OSBPL9: variants seen among roughly 807,000 people sequenced by gnomAD.
OSBPL9 encodes the protein oxysterol-binding protein-related protein 9.
A neutral mutation model predicts 106.6 loss-of-function variants in OSBPL9; 40 were observed. The observed-to-expected ratio is 0.38, with a 90% confidence interval of 0.29 to 0.49. The LOEUF (loss-of-function observed/expected upper bound fraction) is 0.49, where lower values mean the gene tolerates loss of function less well. Ranked by LOEUF, OSBPL9 falls within the 20% of genes least tolerant of loss-of-function variation. The pLI is 0.97. For missense variants in OSBPL9, 609 were observed against 887.2 expected (o/e 0.69, Z 3.98); for synonymous variants, 269 against 295.4 (o/e 0.91, Z 0.92).
intron 2 of OSBPL9, among the ~76,000 whole-genome samples, chr1:51,609,322 C>T (rs1013881635): frequency 6.6e-5 from 10 of 151,078 alleles, no homozygotes; most frequent in Admixed American, 1.3e-4. Flanking sequence ...CTTCCTATGC[C>T]TTCAGCTACC....
In OSBPL9 at chr1:51,697,777, A is replaced by C. The variant is rs935944268; in HGVS notation, c.242-16226A>C. 2.7e-5 allele frequency among the ~76,000 whole-genome samples: 4 copies of C among 149,994 alleles called. No homozygotes were observed. The Admixed American group carries it at 2.7e-4, about 10-fold the overall frequency. ...ATGTAATAAATGAGCAAAGATGATA[A>C]AATCCTGAAAATGTATTCTACATAC... On this transcript the variant is annotated intron_variant, in intron 3 of 23. Transcript: ENST00000428468.
chr1:51,645,482 G>T (rs764974005), intron 1 of OSBPL9, among the ~76,000 whole-genome samples: 19 of 150,996 alleles, frequency 1.3e-4, no homozygotes, highest in East Asian at 3.9e-4. Flanking sequence ...TGTTTGTTTG[G>T]TTGGTTTTTT....
Position 51,729,629 on chromosome 1 carries a change from C to A in OSBPL9, c.318+15550C>A. 4.0e-6 allele frequency: 1 copy of A among 248,100 alleles called. No homozygotes were observed. Among genetic ancestry groups the A allele is most frequent in the Non-Finnish European group, 7.4e-6 (1 of 136,048 alleles). 15.4% of individuals were successfully genotyped at this position (248,100 alleles called of 1,614,324 possible). On this transcript the variant is annotated intron_variant, in intron 4 of 23. Coordinates refer to ENST00000428468, the MANE Select transcript of OSBPL9 (RefSeq NM_024586.6). This position sits in a 1 kb window ranked among gnomAD's most constrained non-coding sequence, Gnocchi z 5.1. ...GCCCTCCCGCCGCTGCGCACCCCTC[C>A]CGCGAGCTGCCAGCTCCCTCGGCCT... is the stretch of plus-strand genomic sequence containing the variant.
At chr1:51,582,676 A>G (rs544814346) in intron 1 of OSBPL9, 5 of 152,122 alleles carry the variant, frequency 3.3e-5, no homozygotes, top group Admixed American at 6.6e-5. Flanking sequence ...CCTTCTCTAC[A>G]CTCACTTGTT....
the OSBPL9 span, among the ~76,000 whole-genome samples, chr1:51,527,764 T>C: frequency 2.0e-5 from 3 of 152,054 alleles, no homozygotes; most frequent in East Asian, 5.8e-4. Flanking sequence ...GAGGGCAATG[T>C]GGAGTCATTG....
At chr1:51,589,574 G>A (rs1645262806) in intron 1 of OSBPL9, among the ~76,000 whole-genome samples, 1 of 152,006 alleles carries the variant, frequency 6.6e-6, no homozygotes, top group Admixed American at 6.6e-5. Flanking sequence ...AAACATTTAA[G>A]CAGAAACCTG....
intron 1 of OSBPL9, among the ~76,000 whole-genome samples, chr1:51,592,806 A>G (rs777249417): frequency 2.0e-5 from 3 of 152,140 alleles, no homozygotes; most frequent in Non-Finnish European, 4.4e-5. Context: ...GCATTTGAGC[A>G]TTTACTCCCC....
chr1:51,542,547 G>A, the OSBPL9 span, among the ~76,000 whole-genome samples: 1 of 152,212 alleles, frequency 6.6e-6, no homozygotes, highest in African/African-American at 2.4e-5. Flanking sequence ...CACTCGATAG[G>A]TAGGTTCTAT....
intron 3 of OSBPL9, among the ~76,000 whole-genome samples, chr1:51,694,574 T>C (rs1252475707): frequency 6.6e-6 from 1 of 152,232 alleles, no homozygotes; most frequent in African/African-American, 2.4e-5. Flanking sequence ...TATGAAAATA[T>C]TTTTATTACA....
At chr1:51,651,746 G>A (rs1646532499) in intron 1 of OSBPL9, among the ~76,000 whole-genome samples, 1 of 152,108 alleles carries the variant, frequency 6.6e-6, no homozygotes, top group Admixed American at 6.5e-5. Flanking sequence ...AAATAATGAT[G>A]TAATATATGT....
the OSBPL9 span, among the ~76,000 whole-genome samples, chr1:51,537,545 G>A: frequency 6.6e-6 from 1 of 152,006 alleles, no homozygotes; most frequent in Non-Finnish European, 1.5e-5. Context: ...ACCTAATTTT[G>A]TTTAATTATT....
intron 1 of OSBPL9, among the ~76,000 whole-genome samples, chr1:51,591,686 G>A (rs763695129): frequency 9.2e-5 from 14 of 152,080 alleles, no homozygotes; most frequent in South Asian, 6.2e-4. Context: ...CCAGCTACTC[G>A]GGAGCTGAGG....
intron 3 of OSBPL9, among the ~76,000 whole-genome samples, chr1:51,711,505 C>G (rs1268266060): frequency 3.2e-5 from 4 of 126,106 alleles, no homozygotes; most frequent in Admixed American, 7.6e-5. Context: ...GCTGGCCGGG[C>G]GGGGGGCTGA....
intron 2 of OSBPL9, among the ~76,000 whole-genome samples, chr1:51,605,152 A>G (rs1643936540): frequency 6.6e-6 from 1 of 152,248 alleles, no homozygotes; most frequent in Non-Finnish European, 1.5e-5. Context: ...ACTGAGATGA[A>G]TAAGATTATT....
At chr1:51,617,067 G>A (rs1378731768), upstream of OSBPL9, 6 of 1,316,026 alleles carry the variant, frequency 4.6e-6, no homozygotes, top group South Asian at 6.1e-5. Flanking sequence ...ATGCCATATA[G>A]GCGAGTGACG....
intron 2 of OSBPL9, among the ~76,000 whole-genome samples, chr1:51,604,198 A>G (rs1643917372): frequency 1.3e-5 from 2 of 152,200 alleles, no homozygotes; most frequent in Admixed American, 1.3e-4. Context: ...GGAAACCAAT[A>G]GCATCTGCTA....
chr1:51,655,960 G>A (rs1431750110), intron 2 of OSBPL9, among the ~76,000 whole-genome samples: 3 of 152,188 alleles, frequency 2.0e-5, no homozygotes, highest in African/African-American at 4.8e-5. Flanking sequence ...TTAAACTGCC[G>A]AGGCTTTTAG....
intron 4 of OSBPL9, among the ~76,000 whole-genome samples, chr1:51,718,272 G>A (rs1263016473): frequency 3.3e-5 from 5 of 152,120 alleles, no homozygotes; most frequent in East Asian, 1.9e-4. Context: ...AAATGAGAAC[G>A]AATAAGATCT....
At chr1:51,701,652 T>G (rs56799899) in intron 3 of OSBPL9, among the ~76,000 whole-genome samples, 3,221 of 94,790 alleles carry the variant, frequency 0.034, 61 homozygotes, top group Middle Eastern at 0.15. Flanking sequence ...GTTTTTTTTG[T>G]TTTTTTTTTA....
Sources: gnomAD v4.1 joint callset for allele counts (sites outside exome capture counted in the v4.1 genomes callset) on GRCh38, gnomAD v4.1.1 for gene constraint, Gnocchi (gnomAD v3.1) non-coding constraint, MANE v1.5 for transcripts, NCBI Gene and HGNC (gene_info 2026-07-23, HGNC 2026-07-21) for gene names.